FAM149B1: variants seen among roughly 807,000 people sequenced by gnomAD.
FAM149B1 encodes primary cilium assembly protein FAM149B1.
Under a neutral mutation model 75.3 loss-of-function variants are expected in FAM149B1, and 56 were observed. The observed-to-expected ratio is 0.74, with a 90% CI of 0.60 to 0.93. The LOEUF (loss-of-function observed/expected upper bound fraction) is 0.93, where lower values mean the gene tolerates loss of function less well. Ranked by LOEUF, FAM149B1 falls within the 40% of genes least tolerant of loss-of-function variation. The pLI, the probability that FAM149B1 is intolerant of heterozygous loss-of-function variation, is 0.00. For missense variants in FAM149B1, 639 were observed against 708.4 expected (o/e 0.90, Z 1.11); for synonymous variants, 259 against 256.1 (o/e 1.01, Z -0.11).
At chr10:73,204,739 T>C (rs2043012719) in intron 5 of FAM149B1, among the ~76,000 whole-genome samples, 1 of 151,144 alleles carries the variant, frequency 6.6e-6, no homozygotes, top group Middle Eastern at 3.4e-3. Flanking sequence ...CCTCGTGAGA[T>C]ATCTTAAGAT....
At chr10:73,170,720 T>C (rs12248366) in intron 1 of FAM149B1, among the ~76,000 whole-genome samples, 2,963 of 152,256 alleles carry the variant, frequency 0.019, 90 homozygotes, top group African/African-American at 0.062. Context: ...GTTTAGTTCC[T>C]AGTAAACTCT....
chr10:73,235,171 G>A, intron 11 of FAM149B1, 22 bp from the exon 12 acceptor site: 2 of 1,550,982 alleles, frequency 1.3e-6, no homozygotes, highest in East Asian at 2.4e-5. Context: ...CACTGTTTCT[G>A]TAACTTTTGT....
chr10:73,177,818 C>T (rs1167273533), intron 2 of FAM149B1, 28 bp from the exon 3 acceptor site: 1 of 1,531,216 alleles, frequency 6.5e-7, no homozygotes, highest in Non-Finnish European at 8.7e-7. Flanking sequence ...TTTCTTTTTT[C>T]TCTCCTCCTC....
At chr10:73,189,959 A>C (rs1315033830) in intron 3 of FAM149B1, among the ~76,000 whole-genome samples, 1 of 152,230 alleles carries the variant, frequency 6.6e-6, no homozygotes, top group Non-Finnish European at 1.5e-5. Flanking sequence ...AAAGCAGGTA[A>C]AGATATTAAC....
At chr10:73,183,368 T>G (rs1479958737) in intron 3 of FAM149B1, 1 of 152,200 alleles carries the variant, frequency 6.6e-6, no homozygotes, top group East Asian at 1.9e-4. Context: ...AATTATACTT[T>G]TATAAGGTTA....
At chr10:73,201,093 A>AG (rs2042924682) in intron 5 of FAM149B1, 1 of 280,148 alleles carries the variant, frequency 3.6e-6, no homozygotes, top group African/African-American at 2.3e-5. Flanking sequence ...GAATTGGCAG[A>AG]GGGGTCAATT....
chr10:73,202,843 A>G (rs1035936729), intron 5 of FAM149B1, among the ~76,000 whole-genome samples: 2 of 151,318 alleles, frequency 1.3e-5, no homozygotes, highest in Non-Finnish European at 2.9e-5. Flanking sequence ...GGTGTGCACC[A>G]CCTCATCTGG....
At chr10:73,185,753 G>C (rs1256543990) in intron 3 of FAM149B1, among the ~76,000 whole-genome samples, 3 of 151,948 alleles carry the variant, frequency 2.0e-5, no homozygotes, top group Non-Finnish European at 2.9e-5. Flanking sequence ...CTTCATATAA[G>C]AGATTCTAAG....
chr10:73,244,504 GA>G (rs796100576), downstream of FAM149B1: 1,107 of 69,750 alleles, frequency 0.016, 23 homozygotes, highest in East Asian at 0.13. Flanking sequence ...AGAAAAAAGA[GA>G]AAAAAAAAAA....
chr10:73,205,584 C>T (rs544587387), intron 5 of FAM149B1, among the ~76,000 whole-genome samples: 1 of 152,106 alleles, frequency 6.6e-6, no homozygotes, highest in South Asian at 2.1e-4. Flanking sequence ...GACAGAGTCT[C>T]ACTCTGTTGC....
At chr10:73,236,995 T>A (rs899040351) in intron 12 of FAM149B1, among the ~76,000 whole-genome samples, 1 of 152,090 alleles carries the variant, frequency 6.6e-6, no homozygotes, top group African/African-American at 2.4e-5. Flanking sequence ...ACTACAGGCA[T>A]GAGCCACATG....
At position 73,243,622 on chromosome 10, in the gene FAM149B1, A is replaced by G. The variant is rs2043977339; in HGVS notation, c.*2603A>G. 1.4e-6 allele frequency: 2 copies of G among 1,448,220 alleles called. No homozygotes were observed. The highest frequency in any genetic ancestry group is 4.6e-5 in the East Asian group (2 of 43,868). 89.7% of individuals were successfully genotyped at this position (1,448,220 alleles called of 1,614,324 possible). ...AAAAGTGGAATAACTACTAATGGGT[A>G]TGGAGTTTTTTTGGAATGGTGAAAA... is the stretch of plus-strand genomic sequence containing the variant. On this transcript the variant is annotated 3_prime_UTR_variant, in exon 14 of 14. Transcript: ENST00000242505.
At chr10:73,203,028 G>C (rs1291990079) in intron 5 of FAM149B1, among the ~76,000 whole-genome samples, 1 of 152,174 alleles carries the variant, frequency 6.6e-6, no homozygotes, top group Non-Finnish European at 1.5e-5. Context: ...TCTGGAGGAA[G>C]GCAATGTAGA....
chr10:73,211,527 C>G (rs116216212), intron 7 of FAM149B1, among the ~76,000 whole-genome samples: 1 of 152,072 alleles, frequency 6.6e-6, no homozygotes, highest in East Asian at 1.9e-4. Flanking sequence ...AGTCTCTGCC[C>G]CTGATTTCAG....
chr10:73,239,333 T>C lies in FAM149B1; in HGVS notation c.1624T>C (p.Ser542Pro). 6.4e-7 allele frequency: 1 copy of C among 1,551,698 alleles called. No homozygotes were observed. The highest frequency in any genetic ancestry group is 8.7e-7 in the Non-Finnish European group (1 of 1,146,966). Reference sequence around the variant, plus strand: ...GTAGCTGGATACACAGTATCGTCGCTCATGTGCAGTTGAGTATCCTCATCA... The same window carrying C: ...GTAGCTGGATACACAGTATCGTCGCCCATGTGCAGTTGAGTATCCTCATCA... Reference protein sequence around the residue: ...SFLLDTQYRRSCAVEYPHQAR... With the variant: ...SFLLDTQYRRPCAVEYPHQAR... Residue 542 changes from serine (S) to proline (P), a missense_variant, in exon 13 of 14, where the codon TCA (serine) becomes CCA (proline). Transcript: ENST00000242505.
chr10:73,189,913 G>T (rs1229934865), intron 3 of FAM149B1, among the ~76,000 whole-genome samples: 4 of 152,182 alleles, frequency 2.6e-5, no homozygotes, highest in Non-Finnish European at 4.4e-5. Context: ...TAAAGGACAA[G>T]ATAACATCTA....
chr10:73,174,789 A>C lies in FAM149B1; in HGVS notation c.150A>C (p.Gln50His). ...SDSHEKDTSS[Q>H]SKSDITRESS... ...GTCATGAGAAAGACACAAGTTCCCA[A>C]AGGTAATAACACAAAGTGTACTTGT... The change falls in exon 2 of 14, where the codon CAA becomes CAC. Residue 50 changes from glutamine to histidine, a missense_variant and splice_region_variant. Coordinates refer to ENST00000242505, the MANE Select transcript of FAM149B1 (RefSeq NM_173348.2). The C allele has an allele frequency of 6.5e-7, 1 of 1,540,450 alleles. No homozygotes were observed. The highest frequency in any genetic ancestry group is 8.8e-7 in the Non-Finnish European group (1 of 1,136,780).
chr10:73,191,336 CTTT>C (rs1344368813), intron 3 of FAM149B1, among the ~76,000 whole-genome samples: 3 of 124,044 alleles, frequency 2.4e-5, no homozygotes, highest in Non-Finnish European at 3.4e-5. Context: ...CCGCCTTGGC[CTTT>C]TTTTTTTTTT....
At chr10:73,183,794 G>A (rs2042457549) in intron 3 of FAM149B1, among the ~76,000 whole-genome samples, 1 of 152,240 alleles carries the variant, frequency 6.6e-6, no homozygotes, top group Admixed American at 6.5e-5. Flanking sequence ...AGAACAGTGA[G>A]AGACTATTCT....
Sources: allele counts gnomAD v4.1 joint callset (sites outside exome capture counted in the v4.1 genomes callset), GRCh38; gene constraint gnomAD v4.1.1; transcripts MANE v1.5; gene names NCBI Gene and HGNC (gene_info 2026-07-23, HGNC 2026-07-21).